EEF1E1: variants seen among roughly 807,000 people sequenced by gnomAD.
EEF1E1 encodes eukaryotic translation elongation factor 1 epsilon-1.
In EEF1E1, 19 loss-of-function variants were observed where a neutral mutation model predicts 19.9. That is an observed-to-expected ratio of 0.95 (90% CI 0.66 to 1.40). The LOEUF (loss-of-function observed/expected upper bound fraction) is 1.40. Ranked by LOEUF, EEF1E1 falls within the 40% of genes most tolerant of loss-of-function variation. The pLI, the probability that EEF1E1 is intolerant of heterozygous loss-of-function variation, is 0.00. For missense variants in EEF1E1, 198 were observed against 202.2 expected (o/e 0.98, Z 0.13); for synonymous variants, 81 against 80.0 (o/e 1.01, Z -0.07).
At chr6:8,075,163 G>C (rs998823976), downstream of EEF1E1, among the ~76,000 whole-genome samples, 14 of 152,176 alleles carry the variant, frequency 9.2e-5, no homozygotes, top group African/African-American at 3.4e-4. Context: ...AGCAGACCGA[G>C]TGGTTAGCAT....
downstream of EEF1E1, chr6:8,078,610 T>C: frequency 8.8e-7 from 1 of 1,140,148 alleles, no homozygotes; most frequent in Non-Finnish European, 1.1e-6. Context: ...AAGATGAAGA[T>C]GCAGTAAAAT....
At chr6:8,100,764 T>C (rs1313376894) in intron 1 of EEF1E1, among the ~76,000 whole-genome samples, 1 of 151,752 alleles carries the variant, frequency 6.6e-6, no homozygotes, top group Non-Finnish European at 1.5e-5. Flanking sequence ...CTGCTTTTCT[T>C]TACGTACAGC....
chr6:8,101,397 AG>A (rs1392422355), intron 1 of EEF1E1, among the ~76,000 whole-genome samples: 4 of 149,318 alleles, frequency 2.7e-5, no homozygotes, highest in Admixed American at 2.0e-4. Context: ...TAGGGGCCGA[AG>A]GGACGGAATT....
At chr6:8,095,014 T>C (rs553400531) in intron 2 of EEF1E1, among the ~76,000 whole-genome samples, 1 of 152,332 alleles carries the variant, frequency 6.6e-6, no homozygotes, top group Admixed American at 6.5e-5. Flanking sequence ...CAGTTAACAG[T>C]AGGCTATTAG....
rs181016787 is a variant in EEF1E1, at chr6:8,091,607, A to T, written c.289-1326T>A. Among the ~76,000 whole-genome samples the T allele has an allele frequency of 2.1e-4, 32 of 152,326 alleles. 1 individual carries two copies. Among genetic ancestry groups the T allele is most frequent in the African/African-American group, 7.7e-4 (32 of 41,576 alleles). On this transcript the variant is annotated intron_variant, in intron 2 of 3. Transcript: ENST00000379715. ...TCTGGCAGAACAGCATGAATACGTCAATTTCCTGAGATGGAAAATGTTGGC... is the reference window on the plus strand; with the variant it reads ...TCTGGCAGAACAGCATGAATACGTCTATTTCCTGAGATGGAAAATGTTGGC...
intron 3 of EEF1E1, among the ~76,000 whole-genome samples, chr6:8,085,317 G>T (rs907897958): frequency 7.7e-5 from 11 of 143,434 alleles, no homozygotes; most frequent in African/African-American, 2.8e-4. Flanking sequence ...CCTGGTTAAT[G>T]GTTTTTTTTT....
At chr6:8,086,954 T>C (rs752186548) in intron 3 of EEF1E1, among the ~76,000 whole-genome samples, 43 of 152,274 alleles carry the variant, frequency 2.8e-4, no homozygotes, top group Non-Finnish European at 3.4e-4. Flanking sequence ...AGACCCGAAG[T>C]GTACATGAGG....
downstream of EEF1E1, among the ~76,000 whole-genome samples, chr6:8,077,422 C>A (rs1757626491): frequency 6.6e-6 from 1 of 152,226 alleles, no homozygotes; most frequent in South Asian, 2.1e-4. Flanking sequence ...GTGGCATCTT[C>A]TGTTAATAGG....
At chr6:8,101,276 A>G in intron 1 of EEF1E1, among the ~76,000 whole-genome samples, 1 of 119,622 alleles carries the variant, frequency 8.4e-6, no homozygotes, top group Non-Finnish European at 1.7e-5. Context: ...ATATATATAT[A>G]TATATATGGC....
chr6:8,083,385 A>G (rs978961777), intron 3 of EEF1E1, among the ~76,000 whole-genome samples: 3 of 152,200 alleles, frequency 2.0e-5, no homozygotes, highest in East Asian at 1.9e-4. Flanking sequence ...ACTTCAGAAC[A>G]AAAGTATTTC....
chr6:8,102,363 C>T (rs779175190), intron 1 of EEF1E1, 72 bp downstream of exon 1: 31 of 1,471,976 alleles, frequency 2.1e-5, no homozygotes, highest in Non-Finnish European at 2.6e-5. Context: ...GTGGCCGGCC[C>T]GGGTCCTGCC....
rs1317906522 is a variant in EEF1E1, at chr6:8,102,435, C to A, written c.87G>T (p.Gln29His). The part of the protein sequence containing the change: ...GNKYSAQGER[Q>H]IPVLQTNNGP... ...CCTCCGCGCCGCCTCTCCTTCTCAC[C>A]TGTCGCTCGCCCTGAGCACTGTATT... The change falls in exon 1 of 4, where the codon CAG becomes CAT. Residue 29 changes from glutamine (Q) to histidine (H), a missense_variant and splice_region_variant. By Grantham distance (24) the Gln-to-His change is conservative. Coordinates refer to ENST00000379715, the MANE Select transcript of EEF1E1 (RefSeq NM_004280.5). 3.1e-6 allele frequency: 5 copies of A among 1,610,434 alleles called. No individual in the cohort carries two copies. In the Admixed American group the frequency reaches 8.4e-5, roughly 27 times the overall value.
intron 3 of EEF1E1, among the ~76,000 whole-genome samples, chr6:8,087,478 A>T (rs1391359381): frequency 2.6e-5 from 4 of 152,000 alleles, no homozygotes; most frequent in Non-Finnish European, 5.9e-5. Context: ...TTGGCCTCCC[A>T]AAGTGCTGGG....
At chr6:8,099,749 A>AG (rs1554099730) in intron 1 of EEF1E1, among the ~76,000 whole-genome samples, 1 of 68,656 alleles carries the variant, frequency 1.5e-5, no homozygotes, top group Admixed American at 1.7e-4. Flanking sequence ...CTCCGCCTCA[A>AG]AAACACACAC....
intron 2 of EEF1E1, among the ~76,000 whole-genome samples, chr6:8,094,864 A>T (rs2113660784): frequency 6.6e-6 from 1 of 152,314 alleles, no homozygotes; most frequent in Middle Eastern, 3.4e-3. Context: ...CTTCCACTTT[A>T]TGAATAGTAA....
At chr6:8,081,400 C>A (rs189451951) in intron 3 of EEF1E1, among the ~76,000 whole-genome samples, 2 of 152,030 alleles carry the variant, frequency 1.3e-5, no homozygotes, top group Non-Finnish European at 2.9e-5. Flanking sequence ...TCTTTTTTAA[C>A]GTAAAAGTTT....
In EEF1E1 at chr6:8,100,501, C is replaced by T. The variant is rs776119044; in HGVS notation, c.87+1934G>A. On this transcript the variant is annotated intron_variant, in intron 1 of 3. Transcript: ENST00000379715. The stretch of plus-strand genomic sequence containing the variant: ...CTGCCTTTCTTCATGGTCCAGGACA[C>T]AGCCCTTCTGCACAAATAACTCAAC... Among the ~76,000 whole-genome samples, 11 of 152,172 alleles carry T rather than the reference C, an allele frequency of 7.2e-5. 1 individual carries two copies. The highest frequency in any genetic ancestry group is 1.5e-4 in the Non-Finnish European group (10 of 68,028).
downstream of EEF1E1, among the ~76,000 whole-genome samples, chr6:8,076,547 T>C (rs1271707233): frequency 6.6e-6 from 1 of 151,878 alleles, no homozygotes; most frequent in Non-Finnish European, 1.5e-5. Flanking sequence ...ATGGTCTAAA[T>C]CTCCTGACCT....
intron 2 of EEF1E1, chr6:8,095,525 C>A: frequency 5.5e-6 from 1 of 183,058 alleles, no homozygotes; most frequent in Non-Finnish European, 1.2e-5. Flanking sequence ...AGAAACAAAA[C>A]AAAACAAAAC....
Sources: gnomAD v4.1 joint callset for allele counts (sites outside exome capture counted in the v4.1 genomes callset) on GRCh38, gnomAD v4.1.1 for gene constraint, MANE v1.5 for transcripts, NCBI Gene and HGNC (gene_info 2026-07-23, HGNC 2026-07-21) for gene names.